The following ADAMTS20 variants were observed in gnomAD, a reference collection of about 807,000 sequenced individuals.
ADAMTS20 encodes the protein A disintegrin and metalloproteinase with thrombospondin motifs 20.
ADAMTS20 carries 225 observed loss-of-function variants against 260.1 expected under a neutral mutation model. The ratio of observed to expected loss-of-function variants is 0.87; its 90% CI spans 0.78 to 0.97. ADAMTS20 has a LOEUF of 0.97. Ranked by LOEUF, ADAMTS20 falls within the 50% of genes least tolerant of loss-of-function variation. ADAMTS20 has a pLI of 0.00. For missense variants in ADAMTS20, 2,400 were observed against 2,337.7 expected, an observed-to-expected ratio of 1.03 and a Z score of -0.55; for synonymous variants, 802 against 769.5, an observed-to-expected ratio of 1.04 and a Z score of -0.70.
intron 29 of ADAMTS20, among the ~76,000 whole-genome samples, chr12:43,393,348 A>T (rs1168684176): frequency 6.6e-6 from 1 of 152,026 alleles, no homozygotes. Flanking sequence ...ATTGACTGGG[A>T]TGCACTACTT....
At chr12:43,432,253 C>A in intron 21 of ADAMTS20, 51 bp downstream of exon 21, 1 of 1,551,776 alleles carries the variant, frequency 6.4e-7, no homozygotes, top group Non-Finnish European at 8.8e-7. Flanking sequence ...GATTACAAAG[C>A]TTTACTAACA....
At chr12:43,510,448 CTT>C (rs1195742375) in intron 3 of ADAMTS20, among the ~76,000 whole-genome samples, 8 of 144,840 alleles carry the variant, frequency 5.5e-5, no homozygotes, top group African/African-American at 1.8e-4. Flanking sequence ...AATCTCATTA[CTT>C]TTTTTTTTTG....
chr12:43,389,099 A>G (rs1254916598), intron 29 of ADAMTS20, among the ~76,000 whole-genome samples: 1 of 152,224 alleles, frequency 6.6e-6, no homozygotes, highest in African/African-American at 2.4e-5. Flanking sequence ...TGTCCTTCTC[A>G]CATGAAAAAT....
At chr12:43,389,672 G>A (rs1940556405) in intron 29 of ADAMTS20, among the ~76,000 whole-genome samples, 1 of 151,280 alleles carries the variant, frequency 6.6e-6, no homozygotes, top group African/African-American at 2.4e-5. Flanking sequence ...TCAGCTTAGT[G>A]GGGACAATTC....
At position 43,386,650 on chromosome 12, in the gene ADAMTS20, G is replaced by A. The variant is rs751194734; in HGVS notation, c.4453-2673C>T. ...TCAAACATAGGTTTGGTCTTTTCAC[G>A]TTGTCCCACAATTCTTGGAGGCTTT... On this transcript the variant is annotated intron_variant, in intron 29 of 38. Coordinates refer to ENST00000389420, the MANE Select transcript of ADAMTS20 (RefSeq NM_025003.5). Among the ~76,000 whole-genome samples, 129 of 152,036 alleles carry A rather than the reference G, an allele frequency of 8.5e-4. 1 individual carries two copies. The highest frequency in any genetic ancestry group is 3.7e-4 in the Non-Finnish European group (25 of 68,010).
At chr12:43,458,863 C>T (rs1942011644) in intron 11 of ADAMTS20, among the ~76,000 whole-genome samples, 1 of 152,212 alleles carries the variant, frequency 6.6e-6, no homozygotes, top group South Asian at 2.1e-4. Flanking sequence ...AAGGTAACTG[C>T]ATCCACCTTT....
At chr12:43,435,641 T>TAAAAAAAAAAAAAAAAAAAA (rs35112845) in intron 18 of ADAMTS20, among the ~76,000 whole-genome samples, 1 of 84,668 alleles carries the variant, frequency 1.2e-5, no homozygotes, top group Non-Finnish European at 2.3e-5. Context: ...ACTCCATTTC[T>TAAAAAAAAAAAAAAAAAAAA]AAAAAAAAAA....
rs540508273 is a variant in ADAMTS20, at chr12:43,447,128, A to G, written c.2080-416T>C. On this transcript the variant is annotated intron_variant, in intron 14 of 38. Transcript: ENST00000389420. The stretch of plus-strand genomic sequence containing the variant: ...AATTGAGGAGGAGGGACTCCTCCCT[A>G]ACTCCTTCTATGAGGTCAGCATCAT... 3.3e-5 allele frequency among the ~76,000 whole-genome samples: 5 copies of G among 152,164 alleles called. No individual in the cohort carries two copies. In the South Asian group the frequency reaches 1.0e-3, roughly 32 times the overall value.
chr12:43,415,460 T>C (rs936841376), intron 28 of ADAMTS20, among the ~76,000 whole-genome samples: 5 of 152,210 alleles, frequency 3.3e-5, no homozygotes. Flanking sequence ...TTATTAGCCT[T>C]TTCTACTATA....
At chr12:43,468,863 G>A (rs1411997289) in intron 7 of ADAMTS20, among the ~76,000 whole-genome samples, 158 bp from the exon 8 acceptor site, 1 of 152,126 alleles carries the variant, frequency 6.6e-6, no homozygotes, top group Admixed American at 6.5e-5. Flanking sequence ...GTGAAAAAGA[G>A]AATGGAATGA....
At chr12:43,459,941 A>T (rs1213161340) in intron 11 of ADAMTS20, among the ~76,000 whole-genome samples, 1 of 152,224 alleles carries the variant, frequency 6.6e-6, no homozygotes, top group Admixed American at 6.5e-5. Flanking sequence ...CATTATCAGA[A>T]GGGTTCACCA....
chr12:43,528,426 T>G (rs1003896348), intron 3 of ADAMTS20, among the ~76,000 whole-genome samples: 1 of 134,752 alleles, frequency 7.4e-6, no homozygotes, highest in East Asian at 2.5e-4. Context: ...TACAAGGCTA[T>G]AGTAACCAAA....
At chr12:43,522,997 T>C (rs544310399) in intron 3 of ADAMTS20, among the ~76,000 whole-genome samples, 39 of 152,340 alleles carry the variant, frequency 2.6e-4, no homozygotes, top group African/African-American at 8.2e-4. Flanking sequence ...CAGAAAAAGA[T>C]ATCACTTTTC....
At position 43,472,536 on chromosome 12, in the gene ADAMTS20, A is replaced by T. The variant is rs1161340172; in HGVS notation, c.1118-3831T>A. ...AGCAACTCCAAGACACATAATTGTC[A>T]GATTCACCAAAGTTGAAATGAAGGA... On this transcript the variant is annotated intron_variant, in intron 7 of 38. Coordinates refer to ENST00000389420, the MANE Select transcript of ADAMTS20 (RefSeq NM_025003.5). 3.6e-4 allele frequency among the ~76,000 whole-genome samples: 49 copies of T among 135,954 alleles called. No individual in the cohort carries two copies. In the South Asian group the frequency reaches 0.013, roughly 37 times the overall value. The allele number at this position is 135,954 out of a possible 152,430, so 89.2% of individuals were successfully genotyped here.
intron 7 of ADAMTS20, among the ~76,000 whole-genome samples, chr12:43,485,164 G>A (rs1039169690): frequency 6.7e-6 from 1 of 148,858 alleles, no homozygotes; most frequent in African/African-American, 2.5e-5. Context: ...GATGAATATA[G>A]GTAGAAAAAT....
intron 2 of ADAMTS20, among the ~76,000 whole-genome samples, chr12:43,540,082 C>T (rs985310277): frequency 2.6e-5 from 4 of 152,030 alleles, no homozygotes; most frequent in African/African-American, 4.8e-5. Context: ...CGGGGTTTCA[C>T]CATGTTGGCC....
At chr12:43,485,986 A>T (rs1942517112) in intron 7 of ADAMTS20, among the ~76,000 whole-genome samples, 2 of 151,502 alleles carry the variant, frequency 1.3e-5, no homozygotes, top group South Asian at 4.2e-4. Context: ...AATCAATATC[A>T]TTGAAAATGA....
intron 16 of ADAMTS20, among the ~76,000 whole-genome samples, chr12:43,442,816 T>G: frequency 6.6e-6 from 1 of 152,322 alleles, no homozygotes; most frequent in South Asian, 2.1e-4. Context: ...GAAACTGATA[T>G]AACATAAAAT....
chr12:43,491,223 A>G (rs1942595153), intron 6 of ADAMTS20, among the ~76,000 whole-genome samples: 1 of 152,126 alleles, frequency 6.6e-6, no homozygotes, highest in Non-Finnish European at 1.5e-5. Flanking sequence ...TGTCTGTAGC[A>G]TTCAGTACAG....
Sources: gnomAD v4.1 joint callset for allele counts (sites outside exome capture counted in the v4.1 genomes callset) on GRCh38, gnomAD v4.1.1 for gene constraint, MANE v1.5 for transcripts, NCBI Gene and HGNC (gene_info 2026-07-23, HGNC 2026-07-21) for gene names.